LYPD1: variants seen among roughly 807,000 people sequenced by gnomAD.
LYPD1 encodes ly6/PLAUR domain-containing protein 1.
In LYPD1, 14 loss-of-function variants were observed where a neutral mutation model predicts 14.2. The ratio of observed to expected loss-of-function variants is 0.99; its 90% CI spans 0.65 to 1.54. LYPD1 has a LOEUF of 1.54. LYPD1 is among the 40% of genes most tolerant of loss of function. The pLI, the probability that LYPD1 is intolerant of heterozygous loss-of-function variation, is 0.00. For missense variants in LYPD1, 165 were observed against 175.7 expected, an observed-to-expected ratio of 0.94 and a Z score of 0.34; for synonymous variants, 85 against 70.6, an observed-to-expected ratio of 1.20 and a Z score of -1.02.
At chr2:132,652,015 A>T (rs1259202196) in intron 2 of LYPD1, among the ~76,000 whole-genome samples, 1 of 152,184 alleles carries the variant, frequency 6.6e-6, no homozygotes, top group African/African-American at 2.4e-5. Context: ...CTAGCTGGAC[A>T]TGGGCCTGGT....
intron 2 of LYPD1, among the ~76,000 whole-genome samples, chr2:132,657,502 C>T (rs1682669674): frequency 6.6e-6 from 1 of 152,180 alleles, no homozygotes; most frequent in Non-Finnish European, 1.5e-5. Context: ...TTCTTGCATA[C>T]AAATTCACCC....
intron 2 of LYPD1, among the ~76,000 whole-genome samples, chr2:132,662,356 G>C (rs142515797): frequency 6.6e-6 from 1 of 152,168 alleles, no homozygotes; most frequent in Admixed American, 6.5e-5. Context: ...TTTTACAAGG[G>C]GGGAGGCTAA....
rs1257382578 is a variant in LYPD1, at chr2:132,645,365, T to C, written c.*680A>G. 1 of 1,613,800 alleles carries C rather than the reference T, an allele frequency of 6.2e-7. No individual in the cohort carries two copies. Among genetic ancestry groups the C allele is most frequent in the South Asian group, 1.1e-5 (1 of 91,072 alleles). On this transcript the variant is annotated 3_prime_UTR_variant, in exon 3 of 3. Transcript: ENST00000397463. ...CAGCACGCCAACCACGAGAAGCGCCTGCGCGTACATGCGCACTCCACCACC... is the reference window on the plus strand; with the variant it reads ...CAGCACGCCAACCACGAGAAGCGCCCGCGCGTACATGCGCACTCCACCACC...
At chr2:132,668,564 G>A (rs921709229) in intron 1 of LYPD1, 27 bp from the exon 2 acceptor site, 1 of 1,607,642 alleles carries the variant, frequency 6.2e-7, no homozygotes, top group Non-Finnish European at 8.5e-7. Flanking sequence ...GTCGGGTTCA[G>A]ATCCGGCCCC....
At chr2:132,648,511 A>G (rs949800307) in intron 2 of LYPD1, among the ~76,000 whole-genome samples, 1 of 152,102 alleles carries the variant, frequency 6.6e-6, no homozygotes, top group Admixed American at 6.5e-5. Context: ...CTATTCTGCA[A>G]TTTGCATTTT....
upstream of LYPD1, among the ~76,000 whole-genome samples, chr2:132,670,469 G>A (rs889686960): frequency 2.5e-4 from 38 of 152,270 alleles, no homozygotes; most frequent in South Asian, 3.9e-3. The surrounding 1 kb of genome is among the most constrained non-coding windows in gnomAD (Gnocchi z 4.5). Flanking sequence ...GGCGCAGCAG[G>A]TGCCGTGGGG....
At chr2:132,647,675 T>C (rs1682177551) in intron 2 of LYPD1, among the ~76,000 whole-genome samples, 1 of 145,484 alleles carries the variant, frequency 6.9e-6, no homozygotes. Flanking sequence ...TTTGGATAGA[T>C]GATAGTGTTT....
intron 2 of LYPD1, among the ~76,000 whole-genome samples, chr2:132,659,897 ATAAG>A (rs1682829926): frequency 6.6e-6 from 1 of 152,222 alleles, no homozygotes; most frequent in Admixed American, 6.5e-5. Flanking sequence ...TACATTTTGC[ATAAG>A]TAATAGAACA....
In LYPD1 at chr2:132,670,174, G is replaced by A. The variant is rs1683599713; in HGVS notation, c.-242C>T. On this transcript the variant is annotated 5_prime_UTR_variant, in exon 1 of 3. Coordinates refer to ENST00000397463, the MANE Select transcript of LYPD1 (RefSeq NM_144586.7). The surrounding 1 kb of genome is among the most constrained non-coding windows in gnomAD (Gnocchi z 4.5). ...CGCTCGCGCTCCCGGGCCGAGCACC[G>A]CGCCTCCGGAGTTGGCGGCTGAGAC... 2 of 1,314,804 alleles carry A rather than the reference G, an allele frequency of 1.5e-6. No homozygotes were observed. The highest frequency in any genetic ancestry group is 1.9e-6 in the Non-Finnish European group (2 of 1,026,870). The allele number at this position is 1,314,804 out of a possible 1,614,324, so 81.4% of individuals were successfully genotyped here.
intron 2 of LYPD1, among the ~76,000 whole-genome samples, chr2:132,652,661 C>T (rs370741004): frequency 7.9e-4 from 120 of 152,304 alleles, no homozygotes; most frequent in African/African-American, 2.6e-3. Flanking sequence ...TCATTTCTCA[C>T]GGCTCTAATC....
chr2:132,644,928 TCTTG>T lies in LYPD1; in HGVS notation c.*1113_*1116del. 1.5e-6 allele frequency: 1 copy of T among 689,534 alleles called. No homozygotes were observed. The highest frequency in any genetic ancestry group is 2.4e-6 in the Non-Finnish European group (1 of 420,484). 42.7% of individuals were successfully genotyped at this position (689,534 alleles called of 1,614,324 possible). ...GGGTTTGAAACAGTGTTAAATTCTC[TCTTG>T]CTTGTGGCAAAAGAAGCTGTCAAGT... On this transcript the variant is annotated 3_prime_UTR_variant, in exon 3 of 3. Transcript: ENST00000397463.
rs945209256 is a variant in LYPD1 at position 132,646,063 on chromosome 2, G to C, written c.408C>G (p.Leu136=). The C allele has an allele frequency of 5.7e-6, 9 of 1,581,628 alleles. No individual in the cohort carries two copies. The African/African-American group carries it at 1.2e-4, about 21-fold the overall frequency. Reference sequence around the variant, plus strand: ...TTCAGCTTCAGCAGTGTGCCGAGAAGAGGGCTAATTTGAGGAACAGGATGG... The same window carrying C: ...TTCAGCTTCAGCAGTGTGCCGAGAACAGGGCTAATTTGAGGAACAGGATGG... ...RTTILFLKLA[L]FSAHC is the part of the protein sequence containing the mutation. Residue 136 remains leucine, a synonymous_variant, in exon 3 of 3, where the codon CTC becomes CTG. Transcript: ENST00000397463.
intron 2 of LYPD1, among the ~76,000 whole-genome samples, chr2:132,660,733 T>C (rs1374551250): frequency 6.6e-6 from 1 of 152,204 alleles, no homozygotes; most frequent in Non-Finnish European, 1.5e-5. Flanking sequence ...AGAATCCAGC[T>C]TAGTCTTCTA....
rs1681981069 is a variant in LYPD1, at chr2:132,645,080, C to T, written c.*965G>A. ...GTGTTTTTCTTTTCTCTGTCTCTCCCTCCTGCTCGTGTCTGCCCAGGGCTG... is the reference window on the plus strand; with the variant it reads ...GTGTTTTTCTTTTCTCTGTCTCTCCTTCCTGCTCGTGTCTGCCCAGGGCTG... On this transcript the variant is annotated 3_prime_UTR_variant, in exon 3 of 3. Coordinates refer to ENST00000397463, the MANE Select transcript of LYPD1 (RefSeq NM_144586.7). 1.3e-6 allele frequency: 2 copies of T among 1,596,384 alleles called. No homozygotes were observed. Among genetic ancestry groups the T allele is most frequent in the Non-Finnish European group, 1.7e-6 (2 of 1,170,060 alleles).
chr2:132,646,195 T>G lies in LYPD1; in HGVS notation c.276A>C (p.Lys92Asn). 6.2e-7 allele frequency: 1 copy of G among 1,608,686 alleles called. No homozygotes were observed. The highest frequency in any genetic ancestry group is 8.5e-7 in the Non-Finnish European group (1 of 1,177,024). Residue 92 changes from lysine to asparagine, a missense_variant, in exon 3 of 3, where the codon AAA becomes AAC. By Grantham distance (94) the Lys-to-Asn change is moderately conservative. Transcript: ENST00000397463. ...AGYQSFCSPG[K>N]LNSVCISCCN... ...AGCAGCTGATGCAAACTGAGTTCAG[T>G]TTCCCTGGGGAGCAGAAGGACTGGT...
At chr2:132,647,679 A>AGTGTT (rs1682178331) in intron 2 of LYPD1, among the ~76,000 whole-genome samples, 1 of 151,414 alleles carries the variant, frequency 6.6e-6, no homozygotes, top group Non-Finnish European at 1.5e-5. Context: ...GATAGATGAT[A>AGTGTT]GTGTTTAATA....
intron 2 of LYPD1, among the ~76,000 whole-genome samples, chr2:132,651,232 A>G (rs755440006): frequency 2.0e-5 from 3 of 152,210 alleles, no homozygotes; most frequent in Non-Finnish European, 2.9e-5. Context: ...CCCGCAGTCA[A>G]CCATCCTCAA....
chr2:132,647,680 G>GTGTT (rs774039612), intron 2 of LYPD1, among the ~76,000 whole-genome samples: 27 of 152,312 alleles, frequency 1.8e-4, no homozygotes, highest in Admixed American at 5.9e-4. Context: ...ATAGATGATA[G>GTGTT]TGTTTAATAC....
chr2:132,658,435 G>A (rs1682730129), intron 2 of LYPD1, among the ~76,000 whole-genome samples: 1 of 152,212 alleles, frequency 6.6e-6, no homozygotes, highest in South Asian at 2.1e-4. Context: ...TTGCCCCAGA[G>A]ACTAATGAAG....
Sources: gnomAD v4.1 joint callset for allele counts (sites outside exome capture counted in the v4.1 genomes callset) on GRCh38, gnomAD v4.1.1 for gene constraint, Gnocchi (gnomAD v3.1) non-coding constraint, MANE v1.5 for transcripts, NCBI Gene and HGNC (gene_info 2026-07-23, HGNC 2026-07-21) for gene names.